Variants in TRPV4 observed in about 807,000 individuals in gnomAD.
TRPV4 encodes transient receptor potential cation channel subfamily V member 4.
A neutral mutation model predicts 84.1 loss-of-function variants in TRPV4; 58 were observed. That is an observed-to-expected ratio of 0.69 (90% CI 0.56 to 0.86). The LOEUF (loss-of-function observed/expected upper bound fraction) is 0.86. Among genes scored for constraint, TRPV4 ranks in the 40% least tolerant of loss-of-function variants. TRPV4 has a pLI of 0.00. For synonymous variants in TRPV4, 489 were observed against 500.9 expected, an observed-to-expected ratio of 0.98 and a Z score of 0.32; for missense variants, 879 against 1,181.1, an observed-to-expected ratio of 0.74 and a Z score of 3.75.
At chr12:109,794,091 T>A in intron 8 of TRPV4, 69 bp from the exon 9 acceptor site, 2 of 1,361,950 alleles carry the variant, frequency 1.5e-6, no homozygotes, top group Non-Finnish European at 2.1e-6. Flanking sequence ...ATCCAGATGT[T>A]CCCCCAGGCC....
In TRPV4 at chr12:109,808,382, A is replaced by T; in HGVS notation, c.473T>A (p.Val158Glu). 6.2e-7 allele frequency: 1 copy of T among 1,614,190 alleles called. No homozygotes were observed. The highest frequency in any genetic ancestry group is 8.5e-7 in the Non-Finnish European group (1 of 1,180,028). The change falls in exon 3 of 16, where the codon GTG becomes GAG. Residue 158 changes from valine (V) to glutamate (E), a missense_variant. Around this residue, in one of 4 missense-constraint regions of TRPV4, gnomAD observed 521 missense variants for 686.6 expected, o/e 0.76. Coordinates refer to ENST00000261740, the MANE Select transcript of TRPV4 (RefSeq NM_021625.5). The stretch of plus-strand genomic sequence containing the variant: ...CAGGTCAGCAGTGGAGCCCCGGGAC[A>T]CGATGTCAAAGAGGATAGGCCGGTT... ...VFNRPILFDI[V>E]SRGSTADLDG...
In TRPV4 at chr12:109,783,676, T is replaced by C; in HGVS notation, c.2561A>G (p.Asp854Gly). The change falls in exon 16 of 16, where the codon GAT becomes GGT. Residue 854 changes from aspartate (D) to glycine (G), a missense_variant. Asp to Gly is a moderately conservative substitution (Grantham distance 94). Transcript: ENST00000261740. This position sits in a 1 kb window ranked among gnomAD's most constrained non-coding sequence, Gnocchi z 4.6. Reference sequence around the variant, plus strand: ...GCGGGGGTAACCCTGCTGGTGGCCATCGCAGCGGGGGTTCCCCATGCTGTC... The same window carrying C: ...GCGGGGGTAACCCTGCTGGTGGCCACCGCAGCGGGGGTTCCCCATGCTGTC... ...PLDSMGNPRC[D>G]GHQQGYPRKW... 1.9e-6 allele frequency: 3 copies of C among 1,613,742 alleles called. No homozygotes were observed. The highest frequency in any genetic ancestry group is 2.5e-6 in the Non-Finnish European group (3 of 1,179,964).
intron 1 of TRPV4, among the ~76,000 whole-genome samples, chr12:109,830,482 A>G (rs1892380983): frequency 6.6e-6 from 1 of 152,258 alleles, no homozygotes; most frequent in Non-Finnish European, 1.5e-5. Context: ...CCTTGTACCC[A>G]GAGTTCATAA....
Position 109,784,311 on chromosome 12 carries a change from C to T in TRPV4, c.2458+5G>A. On this transcript the variant is annotated splice_donor_5th_base_variant and intron_variant, in intron 15 of 15. Transcript: ENST00000261740. ...GCTCCCCTCCGCACCCGCCCCTCCA[C>T]TCACCCCTGCGGAGGCGGCCCACGG... 6.2e-7 allele frequency: 1 copy of T among 1,614,160 alleles called. No homozygotes were observed. The highest frequency in any genetic ancestry group is 8.5e-7 in the Non-Finnish European group (1 of 1,180,032).
intron 12 of TRPV4, among the ~76,000 whole-genome samples, chr12:109,792,136 C>T (rs901426029): frequency 2.7e-5 from 4 of 149,508 alleles, no homozygotes; most frequent in South Asian, 2.1e-4. Context: ...ATCCCAACTA[C>T]GTGGGAGGCT....
chr12:109,808,527 C>T lies in TRPV4; in HGVS notation c.387-59G>A, dbSNP rs949976871. On this transcript the variant is annotated intron_variant, in intron 2 of 15. Transcript: ENST00000261740. ...GCTCATCCCCTGCCTGCCCCACTGT[C>T]CCTGGCCTTAGGGACCCAGAGACTG... The T allele has an allele frequency of 7.7e-6, 12 of 1,550,634 alleles. No individual in the cohort carries two copies. The African/African-American group carries it at 1.2e-4, about 16-fold the overall frequency.
In TRPV4 at chr12:109,793,688, A is replaced by G. The variant is rs545275380; in HGVS notation, c.1585-88T>C. Reference sequence around the variant, plus strand: ...GGAGACAGAGAAAGGGATAGAAGAGAGGGAGGCAGAGGCTGGTACAGAGAA... The same window carrying G: ...GGAGACAGAGAAAGGGATAGAAGAGGGGGAGGCAGAGGCTGGTACAGAGAA... On this transcript the variant is annotated intron_variant, in intron 9 of 15. Transcript: ENST00000261740. This position sits in a 1 kb window ranked among gnomAD's most constrained non-coding sequence, Gnocchi z 4.0. The G allele has an allele frequency of 2.0e-5, 22 of 1,115,764 alleles. No homozygotes were observed. The African/African-American group carries it at 3.2e-4, about 16-fold the overall frequency. The allele number at this position is 1,115,764 out of a possible 1,614,324, so 69.1% of individuals were successfully genotyped here. A position where few individuals can be genotyped will look rare whatever the true frequency, so the allele number is the denominator to read the frequency against.
At chr12:109,794,739 C>T (rs543983222) in intron 7 of TRPV4, among the ~76,000 whole-genome samples, 6 of 152,302 alleles carry the variant, frequency 3.9e-5, no homozygotes, top group African/African-American at 9.6e-5. Context: ...ATTTTCAGGC[C>T]GGCCGCAGTG....
chr12:109,816,179 G>T (rs1434952842), intron 1 of TRPV4, among the ~76,000 whole-genome samples: 6 of 152,200 alleles, frequency 3.9e-5, no homozygotes, highest in African/African-American at 1.4e-4. Context: ...CCAGAGAGGT[G>T]GGGACACAGC....
chr12:109,820,028 G>C (rs561481047), intron 1 of TRPV4, among the ~76,000 whole-genome samples: 5 of 152,278 alleles, frequency 3.3e-5, no homozygotes, highest in African/African-American at 1.2e-4. Context: ...AGGGCCCAAG[G>C]GGCAGCAGTA....
At chr12:109,804,602 G>A (rs1200376587) in intron 3 of TRPV4, among the ~76,000 whole-genome samples, 1 of 152,170 alleles carries the variant, frequency 6.6e-6, no homozygotes, top group African/African-American at 2.4e-5. Flanking sequence ...CTAAATGCCG[G>A]GAATCAGTGG....
In TRPV4 at chr12:109,808,281, A is replaced by C; in HGVS notation, c.559+15T>G. 6.2e-7 allele frequency: 1 copy of C among 1,613,952 alleles called. No individual in the cohort carries two copies. Among genetic ancestry groups the C allele is most frequent in the Non-Finnish European group, 8.5e-7 (1 of 1,179,952 alleles). ...CCTGGCTGTCCCACTGGCTATGCCC[A>C]TCTGGGTGGCTCACCTCGAAACTCC... is the stretch of plus-strand genomic sequence containing the variant. On this transcript the variant is annotated intron_variant, in intron 3 of 15. Coordinates refer to ENST00000261740, the MANE Select transcript of TRPV4 (RefSeq NM_021625.5).
rs2136665078 is a variant in TRPV4 at position 109,814,897 on chromosome 12, A to C, written c.-31-70T>G. 1.4e-6 allele frequency: 2 copies of C among 1,433,920 alleles called. No homozygotes were observed. Among genetic ancestry groups the C allele is most frequent in the East Asian group, 5.0e-5 (2 of 40,306 alleles). 88.8% of individuals were successfully genotyped at this position (1,433,920 alleles called of 1,614,324 possible). On this transcript the variant is annotated intron_variant, in intron 1 of 15. Transcript: ENST00000261740. The surrounding 1 kb of genome is among the most constrained non-coding windows in gnomAD (Gnocchi z 5.4). ...CGGGGGCTCCAGGAAGCCCCCTCCC[A>C]CGTGGACAAGCAGCAGTGCTGCCAG... is the stretch of plus-strand genomic sequence containing the variant.
intron 1 of TRPV4, among the ~76,000 whole-genome samples, chr12:109,820,678 C>A (rs146417204): frequency 6.6e-6 from 1 of 151,892 alleles, no homozygotes; most frequent in African/African-American, 2.4e-5. Context: ...CCCGCCACCA[C>A]GCCCGGCTAA....
At position 109,796,733 on chromosome 12, in the gene TRPV4, G is replaced by A; in HGVS notation, c.1153-29C>T. The A allele has an allele frequency of 1.3e-6, 2 of 1,591,772 alleles. No individual in the cohort carries two copies. Among genetic ancestry groups the A allele is most frequent in the South Asian group, 1.1e-5 (1 of 88,110 alleles). ...CACAGGGGGCCAGGAGGGTCAGGGGGCTCACACTGGAAAGACCCCCAGGGC... is the reference window on the plus strand; with the variant it reads ...CACAGGGGGCCAGGAGGGTCAGGGGACTCACACTGGAAAGACCCCCAGGGC... On this transcript the variant is annotated intron_variant, in intron 6 of 15. Transcript: ENST00000261740. The surrounding 1 kb of genome is among the most constrained non-coding windows in gnomAD (Gnocchi z 4.2).
chr12:109,799,665 G>A (rs779164754), intron 5 of TRPV4, among the ~76,000 whole-genome samples: 3 of 152,202 alleles, frequency 2.0e-5, no homozygotes, highest in Non-Finnish European at 4.4e-5. Context: ...AGGGCCTCTC[G>A]TGATCCCCAC....
chr12:109,808,159 C>T, intron 3 of TRPV4, 137 bp downstream of exon 3: 1 of 933,122 alleles, frequency 1.1e-6, no homozygotes, highest in South Asian at 1.4e-5. Flanking sequence ...GGACCAGACT[C>T]CCTGTCCAGT....
intron 14 of TRPV4, among the ~76,000 whole-genome samples, chr12:109,785,619 A>G (rs1256662916): frequency 6.6e-6 from 1 of 151,770 alleles, no homozygotes; most frequent in Non-Finnish European, 1.5e-5. Context: ...GGGTTTCACC[A>G]TGTTGCCCAG....
chr12:109,831,811 T>C (rs1892417369), intron 1 of TRPV4, among the ~76,000 whole-genome samples: 1 of 152,216 alleles, frequency 6.6e-6, no homozygotes, highest in Non-Finnish European at 1.5e-5. Context: ...CACCTTGATC[T>C]TACAAAGTGA....
Sources: gnomAD v4.1 joint callset for allele counts (sites outside exome capture counted in the v4.1 genomes callset) on GRCh38, gnomAD v4.1.1 for gene constraint, gnomAD v4.1.1 regional missense constraint, Gnocchi (gnomAD v3.1) non-coding constraint, MANE v1.5 for transcripts, NCBI Gene and HGNC (gene_info 2026-07-23, HGNC 2026-07-21) for gene names.